ATP8B4: variants seen among roughly 807,000 people sequenced by gnomAD.
The protein encoded by ATP8B4 is probable phospholipid-transporting ATPase IM.
A neutral mutation model predicts 145.6 loss-of-function variants in ATP8B4; 133 were observed. The observed-to-expected ratio is 0.91, with a 90% CI of 0.79 to 1.05. The LOEUF (loss-of-function observed/expected upper bound fraction) is 1.05, where lower values mean the gene tolerates loss of function less well. Ranked by LOEUF, ATP8B4 falls within the 50% of genes least tolerant of loss-of-function variation. The pLI, the probability that ATP8B4 is intolerant of heterozygous loss-of-function variation, is 0.00. For synonymous variants in ATP8B4, 507 were observed against 492.9 expected (o/e 1.03, Z -0.38); for missense variants, 1,458 against 1,425.2 (o/e 1.02, Z -0.37).
intron 4 of ATP8B4, 149 bp from the exon 5 acceptor site, chr15:50,044,841 G>T: frequency 3.5e-6 from 2 of 574,952 alleles, no homozygotes; most frequent in Admixed American, 3.6e-5. Context: ...GTTTGTATTT[G>T]GTTATAAGAC....
At chr15:50,018,365 G>A (rs998420221) in intron 6 of ATP8B4, among the ~76,000 whole-genome samples, 2 of 152,166 alleles carry the variant, frequency 1.3e-5, no homozygotes, top group African/African-American at 2.4e-5. Flanking sequence ...CCACTCTTAT[G>A]TGTACAAAAT....
intron 1 of ATP8B4, among the ~76,000 whole-genome samples, chr15:50,170,495 A>ACCCGC (rs2044654863): frequency 1.4e-5 from 2 of 142,178 alleles, no homozygotes; most frequent in African/African-American, 5.4e-5. Context: ...CCATTACCAA[A>ACCCGC]CCCCCCCCAC....
intron 13 of ATP8B4, 106 bp from the exon 14 acceptor site, chr15:49,962,126 A>G: frequency 1.2e-6 from 1 of 807,538 alleles, no homozygotes; most frequent in Non-Finnish European, 1.9e-6. Context: ...CCATTACTAA[A>G]TGGCATTATG....
chr15:49,890,309 T>G (rs2036651492), intron 23 of ATP8B4, among the ~76,000 whole-genome samples: 1 of 152,244 alleles, frequency 6.6e-6, no homozygotes, highest in Non-Finnish European at 1.5e-5. Context: ...TACCCAGGAA[T>G]GGCCTCTAAA....
intron 7 of ATP8B4, among the ~76,000 whole-genome samples, chr15:50,003,268 GTGTGCA>G (rs2048039353): frequency 7.2e-6 from 1 of 138,618 alleles, no homozygotes; most frequent in Non-Finnish European, 1.5e-5. Context: ...CAAAAATAGG[GTGTGCA>G]TGTGTGTGTG....
At chr15:49,916,842 A>G (rs2039786211) in intron 20 of ATP8B4, 92 bp downstream of exon 20, 10 of 1,208,522 alleles carry the variant, frequency 8.3e-6, no homozygotes, top group Non-Finnish European at 1.2e-5. Context: ...ACAGGAAACT[A>G]TAGCATAGCT....
chr15:49,891,177 A>C (rs2036749689), intron 23 of ATP8B4, among the ~76,000 whole-genome samples: 1 of 151,828 alleles, frequency 6.6e-6, no homozygotes, highest in South Asian at 2.1e-4. Flanking sequence ...AGGCCTTCAG[A>C]TCTCCACTTA....
intron 1 of ATP8B4, among the ~76,000 whole-genome samples, chr15:50,135,814 T>C (rs1402846561): frequency 6.6e-6 from 1 of 152,144 alleles, no homozygotes; most frequent in Non-Finnish European, 1.5e-5. Context: ...TGGGGAAACT[T>C]TCTATCCAAT....
intron 6 of ATP8B4, among the ~76,000 whole-genome samples, chr15:50,011,954 T>C (rs1292132992): frequency 3.9e-5 from 6 of 152,300 alleles, no homozygotes; most frequent in African/African-American, 1.2e-4. Flanking sequence ...AAATATTTAT[T>C]CGACTGTGAA....
chr15:49,881,037 G>A lies in ATP8B4; in HGVS notation c.2698-1578C>T, dbSNP rs920722153. Among the ~76,000 whole-genome samples, 6 of 152,086 alleles carry A rather than the reference G, an allele frequency of 3.9e-5. 1 individual carries two copies. The highest frequency in any genetic ancestry group is 1.4e-4 in the African/African-American group (6 of 41,412). On this transcript the variant is annotated intron_variant, in intron 23 of 27. Coordinates refer to ENST00000284509, the MANE Select transcript of ATP8B4 (RefSeq NM_024837.4). Reference sequence around the variant, plus strand: ...TGAGGCAGGAGAGTGGCATGAACCCGAGAGGCTGAGGTTGCAGTAAGCCAA... The same window carrying A: ...TGAGGCAGGAGAGTGGCATGAACCCAAGAGGCTGAGGTTGCAGTAAGCCAA...
intron 6 of ATP8B4, among the ~76,000 whole-genome samples, chr15:50,020,980 G>T (rs535917021): frequency 6.6e-6 from 1 of 152,178 alleles, no homozygotes; most frequent in African/African-American, 2.4e-5. Context: ...AATAAAAATT[G>T]ATACAAAATA....
chr15:49,862,255 A>AGGGTTG lies in ATP8B4; in HGVS notation c.3281_3286dup (p.Pro1094_Thr1095dup). The AGGGTTG allele has an allele frequency of 6.2e-7, 1 of 1,613,356 alleles. No individual in the cohort carries two copies. Among genetic ancestry groups the AGGGTTG allele is most frequent in the Non-Finnish European group, 8.5e-7 (1 of 1,179,480 alleles). On this transcript the variant is annotated inframe_insertion, in exon 27 of 28. Transcript: ENST00000284509. ...AGCACTGTGACATACCTGATCACTC[A>AGGGTTG]GGGTTGGGTATAAATCCACCTTCAA...
At chr15:50,139,386 G>A (rs575432770) in intron 1 of ATP8B4, among the ~76,000 whole-genome samples, 1 of 152,022 alleles carries the variant, frequency 6.6e-6, no homozygotes, top group Non-Finnish European at 1.5e-5. Flanking sequence ...AGTTGAAAAA[G>A]GAGAATACAT....
At chr15:50,062,077 C>A (rs2053066796) in intron 3 of ATP8B4, among the ~76,000 whole-genome samples, 1 of 152,106 alleles carries the variant, frequency 6.6e-6, no homozygotes, top group Admixed American at 6.6e-5. Context: ...GTGTCTAGAG[C>A]ATTTAACAAA....
intron 2 of ATP8B4, among the ~76,000 whole-genome samples, chr15:50,098,954 A>G (rs2056171223): frequency 6.6e-6 from 1 of 152,188 alleles, no homozygotes; most frequent in Non-Finnish European, 1.5e-5. Flanking sequence ...ATACTGACAT[A>G]TTCATCAAAC....
rs758369894 is a variant in ATP8B4 at position 49,862,368 on chromosome 15, T to C, written c.3174A>G (p.Ala1058=). The change falls in exon 27 of 28, where the codon GCA becomes GCG. Residue 1058 remains alanine, a synonymous_variant. Coordinates refer to ENST00000284509, the MANE Select transcript of ATP8B4 (RefSeq NM_024837.4). ...FPNQFPFVGN[A]RHSLTQKCIW... is the part of the protein sequence containing the mutation. ...TGCACTTCTGGGTCAGGGAATGTCG[T>C]GCATTACCTATCAATCATTAAAGAA... The C allele has an allele frequency of 1.7e-5, 28 of 1,613,416 alleles. No homozygotes were observed. Among genetic ancestry groups the C allele is most frequent in the Non-Finnish European group, 2.3e-5 (27 of 1,179,488 alleles).
At chr15:49,983,605 G>A (rs1438239266) in intron 10 of ATP8B4, among the ~76,000 whole-genome samples, 1 of 152,014 alleles carries the variant, frequency 6.6e-6, no homozygotes, top group African/African-American at 2.4e-5. Flanking sequence ...CCAACCCCAG[G>A]ACCTGCTGTC....
chr15:50,068,967 C>T (rs1238100815), intron 3 of ATP8B4, among the ~76,000 whole-genome samples: 3 of 152,144 alleles, frequency 2.0e-5, no homozygotes, highest in African/African-American at 7.2e-5. Context: ...CTCTGAAATC[C>T]TTTTAACAGG....
chr15:49,884,607 A>AAAAAAG (rs1457742544), intron 23 of ATP8B4, among the ~76,000 whole-genome samples: 3 of 124,626 alleles, frequency 2.4e-5, no homozygotes, highest in Non-Finnish European at 5.1e-5. Context: ...TGTCTCCAAA[A>AAAAAAG]AAAAAGAAAA....
Sources: allele counts gnomAD v4.1 joint callset (sites outside exome capture counted in the v4.1 genomes callset), GRCh38; gene constraint gnomAD v4.1.1; transcripts MANE v1.5; gene names NCBI Gene and HGNC (gene_info 2026-07-23, HGNC 2026-07-21).